Variants in STARD9 observed in about 807,000 individuals in gnomAD.
STARD9 encodes StAR related lipid transfer domain containing 9.
Under a neutral mutation model 399.8 loss-of-function variants are expected in STARD9, and 346 were observed. The ratio of observed to expected loss-of-function variants is 0.87; its 90% CI spans 0.79 to 0.95. The LOEUF (loss-of-function observed/expected upper bound fraction) is 0.95. Among genes scored for constraint, STARD9 ranks in the 40% least tolerant of loss-of-function variants. The probability of loss-of-function intolerance (pLI) is 0.00; values close to 1 mark genes in which losing one functional copy is unlikely to be tolerated. For missense variants in STARD9, 5,832 were observed against 5,667.5 expected (o/e 1.03, Z -0.93); for synonymous variants, 2,203 against 2,143.5 (o/e 1.03, Z -0.77).
intron 26 of STARD9, among the ~76,000 whole-genome samples, chr15:42,699,934 C>T (rs930221438): frequency 3.3e-5 from 5 of 152,040 alleles, no homozygotes; most frequent in South Asian, 2.1e-4. Flanking sequence ...CTCAAACTCC[C>T]GACCTCAGGT....
chr15:42,688,851 C>G lies in STARD9; in HGVS notation c.7273C>G (p.Pro2425Ala). The G allele has an allele frequency of 6.5e-7, 1 of 1,537,212 alleles. No individual in the cohort carries two copies. Among genetic ancestry groups the G allele is most frequent in the Non-Finnish European group, 8.7e-7 (1 of 1,146,894 alleles). Residue 2425 changes from proline to alanine, a missense_variant, in exon 23 of 33, where the codon CCA (proline) becomes GCA (alanine). Physicochemically the swap from Pro to Ala is conservative, Grantham distance 27 (BLOSUM62 -1). Transcript: ENST00000290607. ...AMGSHSQSGV[P>A]ESIPLGTEDR... The stretch of plus-strand genomic sequence containing the variant: ...GGGATCTCATAGTCAATCTGGTGTA[C>G]CAGAGAGCATTCCTCTGGGGACAGA...
At chr15:42,581,346 C>T in intron 1 of STARD9, 1 of 1,419,396 alleles carries the variant, frequency 7.0e-7, no homozygotes, top group South Asian at 1.2e-5. Flanking sequence ...TTGAGTTTCT[C>T]CTGGTGTGGT....
At chr15:42,606,365 A>G (rs1425763849) in intron 3 of STARD9, among the ~76,000 whole-genome samples, 3 of 152,206 alleles carry the variant, frequency 2.0e-5, no homozygotes, top group East Asian at 1.9e-4. Flanking sequence ...TGCATTTACT[A>G]TAGGAAAAGA....
rs755153315 is a variant in STARD9 at position 42,637,679 on chromosome 15, A to G, written c.352-228A>G. Among the ~76,000 whole-genome samples, 55 of 152,226 alleles carry G rather than the reference A, an allele frequency of 3.6e-4. 1 individual carries two copies. Among genetic ancestry groups the G allele is most frequent in the Non-Finnish European group, 3.7e-4 (25 of 68,010 alleles). ...GCCGGCTTCTCCTCTTTTCCTTCTT[A>G]TGGTGATACATATTCCTCTCATTTG... On this transcript the variant is annotated intron_variant, in intron 4 of 32. Transcript: ENST00000290607.
chr15:42,629,951 G>A (rs1182146467), intron 3 of STARD9: 2 of 150,346 alleles, frequency 1.3e-5, no homozygotes, highest in African/African-American at 4.9e-5. Flanking sequence ...AGTCATCCTT[G>A]CATCCCTAGG....
chr15:42,600,794 G>A (rs1252615442), intron 3 of STARD9, among the ~76,000 whole-genome samples: 1 of 151,730 alleles, frequency 6.6e-6, no homozygotes, highest in East Asian at 1.9e-4. Context: ...CAAAGTGTTG[G>A]GATTACAGAC....
At position 42,687,986 on chromosome 15, in the gene STARD9, C is replaced by A. The variant is rs745492058; in HGVS notation, c.6408C>A (p.Asn2136Lys). ...GTGAAGCTGGAGCGATGGAGGTTAA[C>A]AGCATTGGGAACCATCCCCAGGTCC... ...RDSEAGAMEV[N>K]SIGNHPQVQK... Residue 2136 changes from asparagine (N) to lysine (K), a missense_variant, in exon 23 of 33, where the codon AAC (asparagine) becomes AAA (lysine). By Grantham distance (94) the Asn-to-Lys change is moderately conservative. This residue lies in a region of STARD9 where 5,828 missense variants were observed against 5,651.1 expected (regional missense o/e 1.03). Coordinates refer to ENST00000290607, the MANE Select transcript of STARD9 (RefSeq NM_020759.3). The A allele has an allele frequency of 2.1e-5, 32 of 1,537,402 alleles. No homozygotes were observed. The highest frequency in any genetic ancestry group is 1.6e-5 in the Non-Finnish European group (18 of 1,146,992).
At chr15:42,675,113 A>T (rs954930415) in intron 18 of STARD9, 149 bp downstream of exon 18, 5 of 888,080 alleles carry the variant, frequency 5.6e-6, no homozygotes, top group Non-Finnish European at 7.9e-6. Context: ...ATATGATCCT[A>T]TTCCCATAAA....
At chr15:42,634,562 C>T (rs1303504476) in intron 3 of STARD9, among the ~76,000 whole-genome samples, 1 of 152,162 alleles carries the variant, frequency 6.6e-6, no homozygotes, top group East Asian at 1.9e-4. Flanking sequence ...CATATCTTTG[C>T]TCTTCTACAC....
At chr15:42,669,062 A>C in intron 15 of STARD9, 96 bp from the exon 16 acceptor site, 1 of 1,081,532 alleles carries the variant, frequency 9.2e-7, no homozygotes, top group Non-Finnish European at 1.3e-6. Context: ...ATAAGAAAGC[A>C]GTACCCTGGG....
In STARD9 at chr15:42,710,084, G is replaced by C. The variant is rs1290135611; in HGVS notation, c.13285-6593G>C. ...TTTTTTTTTTTTTTTTTTTGAGACA[G>C]GGTCTTGCCGTGTTGCCCAGGCTAG... is the stretch of plus-strand genomic sequence containing the variant. On this transcript the variant is annotated intron_variant, in intron 26 of 32. Transcript: ENST00000290607. 2.1e-5 allele frequency among the ~76,000 whole-genome samples: 3 copies of C among 142,644 alleles called. No individual in the cohort carries two copies. The East Asian group carries it at 6.0e-4, about 29-fold the overall frequency. 93.6% of individuals were successfully genotyped at this position (142,644 alleles called of 152,430 possible).
Position 42,681,500 on chromosome 15 carries a change from G to A in STARD9, c.1953G>A (p.Gln651=). The A allele has an allele frequency of 6.5e-7, 1 of 1,537,144 alleles. No homozygotes were observed. Among genetic ancestry groups the A allele is most frequent in the Non-Finnish European group, 8.7e-7 (1 of 1,146,862 alleles). Reference sequence around the variant, plus strand: ...AGACATCCCACAGGGCCCAGATTCAGCAGCAGCAGAGCTACGTAGAGGATT... The same window carrying A: ...AGACATCCCACAGGGCCCAGATTCAACAGCAGCAGAGCTACGTAGAGGATT... ...DGETSHRAQI[Q]QQQSYVEDLR... The change falls in exon 21 of 33, where the codon CAG becomes CAA. Residue 651 remains glutamine (Q), a synonymous_variant. Coordinates refer to ENST00000290607, the MANE Select transcript of STARD9 (RefSeq NM_020759.3).
At chr15:42,607,039 C>G (rs2058740199) in intron 3 of STARD9, among the ~76,000 whole-genome samples, 1 of 151,756 alleles carries the variant, frequency 6.6e-6, no homozygotes, top group Non-Finnish European at 1.5e-5. Context: ...CCTCTATCTC[C>G]CGGGCTCAAG....
At chr15:42,658,589 T>C (rs1211101483) in intron 9 of STARD9, among the ~76,000 whole-genome samples, 1 of 151,282 alleles carries the variant, frequency 6.6e-6, no homozygotes, top group Non-Finnish European at 1.5e-5. Context: ...TTCAAGTGAT[T>C]CTCCTGCCTC....
At chr15:42,616,894 A>C (rs1185987931) in intron 3 of STARD9, among the ~76,000 whole-genome samples, 1 of 151,170 alleles carries the variant, frequency 6.6e-6, no homozygotes, top group African/African-American at 2.4e-5. Context: ...TCCTCTCAAA[A>C]AAAAAAAAAA....
intron 7 of STARD9, 84 bp downstream of exon 7, chr15:42,638,896 G>T: frequency 1.4e-6 from 1 of 736,326 alleles, no homozygotes; most frequent in Non-Finnish European, 2.2e-6. Context: ...TTGAACATAG[G>T]TGTAATGAAC....
intron 22 of STARD9, 75 bp from the exon 23 acceptor site, chr15:42,684,041 T>C: frequency 6.9e-7 from 1 of 1,443,556 alleles, no homozygotes; most frequent in Non-Finnish European, 9.1e-7. Context: ...ACACTGGCCT[T>C]GTTTTTAACC....
intron 7 of STARD9, among the ~76,000 whole-genome samples, chr15:42,639,443 C>T (rs2059489263): frequency 6.6e-6 from 1 of 152,142 alleles, no homozygotes. Flanking sequence ...TGTTTCCTAA[C>T]CAAATACTGG....
In STARD9 at chr15:42,653,304, A is replaced by G. The variant is rs979313789; in HGVS notation, c.702+712A>G. Among the ~76,000 whole-genome samples, 6 of 152,194 alleles carry G rather than the reference A, an allele frequency of 3.9e-5. No homozygotes were observed. In the South Asian group the frequency reaches 1.2e-3, roughly 32 times the overall value. On this transcript the variant is annotated intron_variant, in intron 9 of 32. Transcript: ENST00000290607. ...CAAAAAGCAACTATAAAGCTGGACA[A>G]AATCCTTTCTGTGGTCTGAAAATAG...
Sources: allele counts gnomAD v4.1 joint callset (sites outside exome capture counted in the v4.1 genomes callset), GRCh38; gene constraint gnomAD v4.1.1; regional missense constraint gnomAD v4.1.1; transcripts MANE v1.5; gene names NCBI Gene and HGNC (gene_info 2026-07-23, HGNC 2026-07-21).